Variants in ARID1B observed in about 807,000 individuals in gnomAD.
ARID1B encodes AT-rich interactive domain-containing protein 1B.
Under a neutral mutation model 212.3 loss-of-function variants are expected in ARID1B, and 30 were observed. That is an observed-to-expected ratio of 0.14 (90% CI 0.11 to 0.19). ARID1B has a LOEUF of 0.19. ARID1B is among the 10% of genes least tolerant of loss of function. The pLI is 1.00. For missense variants in ARID1B, 2,891 were observed against 3,204.0 expected (o/e 0.90, Z 2.36); for synonymous variants, 1,402 against 1,301.7 (o/e 1.08, Z -1.66).
intron 7 of ARID1B, 68 bp downstream of exon 7, chr6:157,133,275 T>TA: frequency 6.9e-7 from 1 of 1,447,960 alleles, no homozygotes; most frequent in Non-Finnish European, 9.2e-7. Flanking sequence ...TGCTAGTCCT[T>TA]CAAGATTTTA....
chr6:156,862,739 G>A (rs1346742779), intron 2 of ARID1B, among the ~76,000 whole-genome samples: 1 of 152,186 alleles, frequency 6.6e-6, no homozygotes, highest in African/African-American at 2.4e-5. Context: ...CTTGTTGTGT[G>A]GGAGCCAGGA....
At chr6:156,794,943 A>C (rs1285328761) in intron 1 of ARID1B, among the ~76,000 whole-genome samples, 1 of 152,194 alleles carries the variant, frequency 6.6e-6, no homozygotes, top group Non-Finnish European at 1.5e-5. Context: ...TATCAGACAT[A>C]GAAGAGGCAA....
chr6:157,017,772 T>C (rs562335651), intron 4 of ARID1B, among the ~76,000 whole-genome samples: 3 of 152,080 alleles, frequency 2.0e-5, no homozygotes, highest in Non-Finnish European at 4.4e-5. Flanking sequence ...TGCTTTGAAA[T>C]TGAAAGTCAA....
In ARID1B at chr6:157,203,344, C is replaced by CT. The variant is rs1458467834; in HGVS notation, c.5264-522_5264-521insT. The stretch of plus-strand genomic sequence containing the variant: ...TCACAGCATGTTCTGAGGGCAGGAG[C>CT]ACAGGACTAGAGGAAAGCAGCCTGG... On this transcript the variant is annotated intron_variant, in intron 18 of 19. Coordinates refer to ENST00000636930, the MANE Select transcript of ARID1B (RefSeq NM_001374828.1). The surrounding 1 kb of genome is among the most constrained non-coding windows in gnomAD (Gnocchi z 4.4). Among the ~76,000 whole-genome samples, 6 of 152,210 alleles carry CT rather than the reference C, an allele frequency of 3.9e-5. No individual in the cohort carries two copies. The highest frequency in any genetic ancestry group is 1.2e-4 in the African/African-American group (5 of 41,452).
chr6:157,141,677 A>T (rs1428565047), intron 7 of ARID1B, among the ~76,000 whole-genome samples: 2 of 152,258 alleles, frequency 1.3e-5, no homozygotes, highest in Admixed American at 1.3e-4. Context: ...GATAACCAGC[A>T]AATAAACACA....
rs1214748174 is a variant in ARID1B, at chr6:157,208,552, A to G, written c.*661A>G. 4.3e-6 allele frequency: 1 copy of G among 233,038 alleles called. No individual in the cohort carries two copies. The highest frequency in any genetic ancestry group is 8.5e-6 in the Non-Finnish European group (1 of 117,758). 14.4% of individuals were successfully genotyped at this position (233,038 alleles called of 1,614,324 possible). A position where few individuals can be genotyped will look rare whatever the true frequency, so the allele number is the denominator to read the frequency against. ...ATACATACCTGACAACGATCCGGAA[A>G]CTGCTCCTCACCACTCCCGTCATGC... On this transcript the variant is annotated 3_prime_UTR_variant, in exon 20 of 20. Transcript: ENST00000636930.
intron 8 of ARID1B, among the ~76,000 whole-genome samples, chr6:157,165,501 A>G (rs1791263930): frequency 6.6e-6 from 1 of 152,144 alleles, no homozygotes; most frequent in African/African-American, 2.4e-5. Context: ...TTTTGTACAG[A>G]GGTTTTTCAG....
rs1329061268 is a variant in ARID1B, at chr6:157,102,636, G to A, written c.2492-7836G>A. Among the ~76,000 whole-genome samples, 22 of 127,024 alleles carry A rather than the reference G, an allele frequency of 1.7e-4. 1 individual carries two copies. Among genetic ancestry groups the A allele is most frequent in the Admixed American group, 1.7e-3 (19 of 11,344 alleles). The allele number at this position is 127,024 out of a possible 152,430, so 83.3% of individuals were successfully genotyped here. ...TTTTTTTTTTTTTTTTTTTTGAGAC[G>A]GAGTCTTGCTCTGTCACCCAGGCTG... On this transcript the variant is annotated intron_variant, in intron 5 of 19. Coordinates refer to ENST00000636930, the MANE Select transcript of ARID1B (RefSeq NM_001374828.1).
rs1164805779 is a variant in ARID1B at position 156,945,233 on chromosome 6, C to CTTTTTTTTTTTTT, written c.2247+9680_2247+9692dup. ...GACCGGTGTGAGCCCCCGCATCCGG[C>CTTTTTTTTTTTTT]TTTTTTTTTTTTTTTTTTTTTTTTT... On this transcript the variant is annotated intron_variant, in intron 4 of 19. Transcript: ENST00000636930. Among the ~76,000 whole-genome samples the CTTTTTTTTTTTTT allele has an allele frequency of 5.8e-4, 19 of 32,664 alleles. 3 individuals are homozygous for CTTTTTTTTTTTTT. The highest frequency in any genetic ancestry group is 7.0e-4 in the Non-Finnish European group (12 of 17,240). The allele number at this position is 32,664 out of a possible 152,430, so 21.4% of individuals were successfully genotyped here.
chr6:157,029,259 T>C (rs2128491655), intron 4 of ARID1B, among the ~76,000 whole-genome samples: 1 of 152,362 alleles, frequency 6.6e-6, no homozygotes, highest in Non-Finnish European at 1.5e-5. Context: ...ACCACACATA[T>C]GACTTCTACT....
chr6:156,996,688 G>A (rs986451674), intron 4 of ARID1B, among the ~76,000 whole-genome samples: 6 of 152,062 alleles, frequency 3.9e-5, no homozygotes, highest in African/African-American at 1.4e-4. Flanking sequence ...GTTTTATCAA[G>A]TTTTATAAAA....
chr6:156,813,095 TAC>T (rs150881506), intron 1 of ARID1B, among the ~76,000 whole-genome samples: 31,809 of 116,736 alleles, frequency 0.27, 4,318 homozygotes, highest in African/African-American at 0.33. Flanking sequence ...TGTATATACA[TAC>T]ATATATATAT....
intron 6 of ARID1B, 55 bp from the exon 7 acceptor site, chr6:157,132,973 A>T: frequency 6.5e-7 from 1 of 1,542,142 alleles, no homozygotes; most frequent in East Asian, 2.3e-5. Context: ...ATTTTTATGT[A>T]TGCAGAGATT....
At chr6:157,122,913 C>T (rs941302284) in intron 6 of ARID1B, among the ~76,000 whole-genome samples, 5 of 151,820 alleles carry the variant, frequency 3.3e-5, no homozygotes, top group Admixed American at 2.0e-4. Context: ...AACTCCTGAC[C>T]TCAGGTGATC....
intron 4 of ARID1B, among the ~76,000 whole-genome samples, chr6:157,049,997 C>T (rs373948559): frequency 1.4e-4 from 22 of 152,152 alleles, no homozygotes; most frequent in East Asian, 3.8e-4. Context: ...AGAATAACAA[C>T]GCCTGTGGCC....
At chr6:156,777,250 G>C (rs914800250), upstream of ARID1B, 1 of 150,782 alleles carries the variant, frequency 6.6e-6, no homozygotes, top group African/African-American at 2.4e-5. Context: ...AGCCCGGCTG[G>C]GTCCCGCGAG....
chr6:156,782,032 C>G (rs1195322302), intron 1 of ARID1B, among the ~76,000 whole-genome samples: 4 of 112,942 alleles, frequency 3.5e-5, no homozygotes, highest in African/African-American at 1.4e-4. Context: ...TATGGACATG[C>G]GACCTAGATT....
chr6:156,986,498 G>A lies in ARID1B; in HGVS notation c.2247+50922G>A, dbSNP rs150132776. Among the ~76,000 whole-genome samples, 756 of 152,282 alleles carry A rather than the reference G, an allele frequency of 5.0e-3. 4 individuals carry two copies. The highest frequency in any genetic ancestry group is 0.017 in the African/African-American group (717 of 41,550). The stretch of plus-strand genomic sequence containing the variant: ...CAGGGGCTGGTAGTTAGGCCCTTGC[G>A]TTTGAATCTGGCTCTGTCACTCGGT... On this transcript the variant is annotated intron_variant, in intron 4 of 19. Transcript: ENST00000636930.
intron 4 of ARID1B, chr6:157,022,728 T>C (rs1262126817): frequency 6.7e-6 from 1 of 149,134 alleles, no homozygotes; most frequent in Non-Finnish European, 1.5e-5. Flanking sequence ...ATTTGTTCTC[T>C]TGTTGATAAT....
Sources: allele counts gnomAD v4.1 joint callset (sites outside exome capture counted in the v4.1 genomes callset), GRCh38; gene constraint gnomAD v4.1.1; non-coding constraint Gnocchi (gnomAD v3.1); transcripts MANE v1.5; gene names NCBI Gene and HGNC (gene_info 2026-07-23, HGNC 2026-07-21).